The following ARRDC2 variants were observed in gnomAD, a reference collection of about 807,000 sequenced individuals.
The protein encoded by ARRDC2 is arrestin domain-containing protein 2.
Under a neutral mutation model 38.9 loss-of-function variants are expected in ARRDC2, and 39 were observed. That is an observed-to-expected ratio of 1.00 (90% CI 0.78 to 1.31). ARRDC2 has a LOEUF of 1.31. ARRDC2 is among the 50% of genes most tolerant of loss of function. ARRDC2 has a pLI of 0.00. For synonymous variants in ARRDC2, 300 were observed against 261.9 expected, an observed-to-expected ratio of 1.15 and a Z score of -1.41; for missense variants, 553 against 588.4, an observed-to-expected ratio of 0.94 and a Z score of 0.62.
chr19:18,004,604 G>A (rs1055793271), upstream of ARRDC2, among the ~76,000 whole-genome samples: 2 of 151,620 alleles, frequency 1.3e-5, no homozygotes, highest in Admixed American at 6.6e-5. Context: ...CAGGAGAATC[G>A]CTGGAACCCG....
chr19:18,011,123 G>A lies in ARRDC2; in HGVS notation c.1170+394G>A, dbSNP rs937337490. ...AGCGATTCTCCTGCCTCAGCCTTCC[G>A]AGTAGCTGGGATTACAGGTGTTAGC... On this transcript the variant is annotated intron_variant, in intron 7 of 7. Coordinates refer to ENST00000222250, the MANE Select transcript of ARRDC2 (RefSeq NM_015683.2). Among the ~76,000 whole-genome samples the A allele has an allele frequency of 1.1e-4, 17 of 152,192 alleles. No individual in the cohort carries two copies. The East Asian group carries it at 3.1e-3, about 28-fold the overall frequency.
In ARRDC2 at chr19:18,008,505, GGGCTCGAGCAC is replaced by G; in HGVS notation, c.200_210del (p.Ser67LeufsTer7). ...TGCACTGGACCGAGTCGCGCAGCGCGGGCTCGAGCACGGCTTACACGCAGAGCTACAGTGAA... is the reference window on the plus strand; with the variant it reads ...TGCACTGGACCGAGTCGCGCAGCGCGGGCTTACACGCAGAGCTACAGTGAA... On this transcript the variant is annotated frameshift_variant, in exon 1 of 8. Coordinates refer to ENST00000222250, the MANE Select transcript of ARRDC2 (RefSeq NM_015683.2). LOFTEE classifies it high-confidence loss of function. 6.5e-7 allele frequency: 1 copy of G among 1,531,986 alleles called. No individual in the cohort carries two copies. Among genetic ancestry groups the G allele is most frequent in the Non-Finnish European group, 8.7e-7 (1 of 1,146,216 alleles). 94.9% of individuals were successfully genotyped at this position (1,531,986 alleles called of 1,614,324 possible).
Position 18,010,336 on chromosome 19 carries a change from G to A in ARRDC2, c.990G>A (p.Gly330=). Residue 330 remains glycine, a synonymous_variant, in exon 6 of 8, where the codon GGG becomes GGA. Coordinates refer to ENST00000222250, the MANE Select transcript of ARRDC2 (RefSeq NM_015683.2). ...HASFLLDWRL[G]ALPERPEAPP... ...GCTTCCTGCTGGACTGGAGGCTGGGGGCCTTGCCGGAGCGGCCTGAGGGTA... is the reference window on the plus strand; with the variant it reads ...GCTTCCTGCTGGACTGGAGGCTGGGAGCCTTGCCGGAGCGGCCTGAGGGTA... 1 of 1,611,256 alleles carries A rather than the reference G, an allele frequency of 6.2e-7. No homozygotes were observed. Among genetic ancestry groups the A allele is most frequent in the Non-Finnish European group, 8.5e-7 (1 of 1,179,962 alleles).
At chr19:18,004,606 T>G (rs1199269370), upstream of ARRDC2, among the ~76,000 whole-genome samples, 3 of 151,056 alleles carry the variant, frequency 2.0e-5, no homozygotes, top group Admixed American at 6.6e-5. Context: ...GGAGAATCGC[T>G]GGAACCCGGA....
intron 6 of ARRDC2, 53 bp downstream of exon 6, chr19:18,010,411 G>T (rs1331356823): frequency 1.3e-6 from 2 of 1,581,176 alleles, no homozygotes; most frequent in Non-Finnish European, 1.7e-6. Context: ...ACGGAGAGGT[G>T]GATGCCGGGT....
chr19:18,009,428 T>G, intron 3 of ARRDC2, 164 bp from the exon 4 acceptor site: 2 of 670,668 alleles, frequency 3.0e-6, no homozygotes, highest in Non-Finnish European at 5.1e-6. Context: ...CTTTATAAGA[T>G]GGGTTGTGTT....
upstream of ARRDC2, chr19:18,007,537 A>G (rs2033304096): frequency 1.3e-5 from 2 of 152,468 alleles, no homozygotes; most frequent in Admixed American, 1.3e-4. Flanking sequence ...ACGATGATCC[A>G]TGCACAACCT....
chr19:18,012,979 C>A lies in ARRDC2; in HGVS notation c.*13C>A. 2 of 1,613,500 alleles carry A rather than the reference C, an allele frequency of 1.2e-6. No homozygotes were observed. Among genetic ancestry groups the A allele is most frequent in the Non-Finnish European group, 1.7e-6 (2 of 1,179,808 alleles). Reference sequence around the variant, plus strand: ...CATGACTTGCTGAACGGCACAGGGACCCCTCGAGGAACAAGGTTGCACACC... The same window carrying A: ...CATGACTTGCTGAACGGCACAGGGAACCCTCGAGGAACAAGGTTGCACACC... On this transcript the variant is annotated 3_prime_UTR_variant, in exon 8 of 8. Transcript: ENST00000222250.
rs2100606 is a variant in ARRDC2 at position 18,008,325 on chromosome 19, G to A, written c.15G>A (p.Lys5=). The A allele has an allele frequency of 2.9e-5, 46 of 1,596,720 alleles. No homozygotes were observed. The Middle Eastern group carries it at 2.1e-3, about 74-fold the overall frequency. Residue 5 remains lysine, a synonymous_variant, in exon 1 of 8, where the codon AAG becomes AAA. Transcript: ENST00000222250. MLFD[K]VKAFSVQLDG... Reference sequence around the variant, plus strand: ...CCCCGGACGCGATGCTATTCGACAAGGTGAAAGCGTTCTCGGTGCAGTTGG... The same window carrying A: ...CCCCGGACGCGATGCTATTCGACAAAGTGAAAGCGTTCTCGGTGCAGTTGG...
chr19:18,009,798 T>C lies in ARRDC2; in HGVS notation c.608T>C (p.Val203Ala). Residue 203 changes from valine to alanine, a missense_variant, in exon 5 of 8, where the codon GTC becomes GCC. Around this residue, in one of 3 missense-constraint regions of ARRDC2, gnomAD observed 447 missense variants for 456.6 expected, o/e 0.98. Coordinates refer to ENST00000222250, the MANE Select transcript of ARRDC2 (RefSeq NM_015683.2). ...KGYTPGEVIP[V>A]FAEIDNGSTR... ...CTTGCTGCAGGAGAGGTCATCCCTG[T>C]CTTTGCCGAGATCGACAACGGCTCC... 1 of 1,612,756 alleles carries C rather than the reference T, an allele frequency of 6.2e-7. No homozygotes were observed.
exon 1 of ARRDC2, chr19:18,001,268 G>A: frequency 2.6e-6 from 3 of 1,170,090 alleles, no homozygotes; most frequent in Non-Finnish European, 3.2e-6. Flanking sequence ...CGCCCGGGCC[G>A]TGTGCCTTCT....
rs146102111 is a variant in ARRDC2 at position 18,012,214 on chromosome 19, C to A, written c.1171-699C>A. ...CCTCAGGTGATCTGCCTGCCTTGAC[C>A]TCCCAGAATGCTGGGATTACAGGCG... is the stretch of plus-strand genomic sequence containing the variant. On this transcript the variant is annotated intron_variant, in intron 7 of 7. Coordinates refer to ENST00000222250, the MANE Select transcript of ARRDC2 (RefSeq NM_015683.2). Among the ~76,000 whole-genome samples, 1,065 of 151,706 alleles carry A rather than the reference C, an allele frequency of 7.0e-3. 15 individuals are homozygous for A. Among genetic ancestry groups the A allele is most frequent in the African/African-American group, 0.025 (1,015 of 41,404 alleles).
intron 4 of ARRDC2, 27 bp from the exon 5 acceptor site, chr19:18,009,756 C>T: frequency 6.2e-7 from 1 of 1,612,824 alleles, no homozygotes; most frequent in Non-Finnish European, 8.5e-7. Context: ...GGAGGGGAAA[C>T]TGAGGCCCCA....
Position 18,008,368 on chromosome 19 carries a change from G to C in ARRDC2, c.58G>C (p.Val20Leu), listed in dbSNP as rs1299758045. The change falls in exon 1 of 8, where the codon GTC becomes CTC. Residue 20 changes from valine (V) to leucine (L), a missense_variant. This residue lies in a region of ARRDC2 where 447 missense variants were observed against 456.6 expected (regional missense o/e 0.98). Transcript: ENST00000222250. Reference protein sequence around the residue: ...SVQLDGATAGVEPVFSGGQAV... With the variant: ...SVQLDGATAGLEPVFSGGQAV... ...GCAGTTGGACGGCGCGACCGCGGGC[G>C]TCGAGCCCGTGTTTAGCGGCGGCCA... The C allele has an allele frequency of 6.3e-7, 1 of 1,596,686 alleles. No homozygotes were observed. Among genetic ancestry groups the C allele is most frequent in the Non-Finnish European group, 8.5e-7 (1 of 1,178,904 alleles).
exon 1 of ARRDC2, chr19:18,001,530 G>A (rs1445437435): frequency 1.4e-6 from 2 of 1,389,054 alleles, no homozygotes; most frequent in Non-Finnish European, 1.9e-6. Context: ...GCGACTACGC[G>A]GCCGCGGAGA....
upstream of ARRDC2, among the ~76,000 whole-genome samples, chr19:18,003,415 C>T (rs565770152): frequency 7.8e-4 from 118 of 151,364 alleles, 1 homozygote; most frequent in African/African-American, 2.6e-3. Flanking sequence ...TACAGGTGCC[C>T]GCCACCACAC....
At chr19:18,006,327 C>T (rs1035989483), upstream of ARRDC2, among the ~76,000 whole-genome samples, 1 of 152,186 alleles carries the variant, frequency 6.6e-6, no homozygotes, top group African/African-American at 2.4e-5. Context: ...TGCACTCCAG[C>T]CTGGGCACCA....
rs762916561 is a variant in ARRDC2 at position 18,010,189 on chromosome 19, C to T, written c.850-7C>T. On this transcript the variant is annotated splice_region_variant and splice_polypyrimidine_tract_variant and intron_variant, in intron 5 of 7. Transcript: ENST00000222250. ...TGGGCACCCTCCCTTATGGTTCCTT[C>T]CTCCAGGTCTGTGTGGATATCCCAG... 10 of 1,611,272 alleles carry T rather than the reference C, an allele frequency of 6.2e-6. No individual in the cohort carries two copies. Among genetic ancestry groups the T allele is most frequent in the Admixed American group, 3.3e-5 (2 of 59,796 alleles).
chr19:18,011,410 GGCGT>G (rs2033408961), intron 7 of ARRDC2, among the ~76,000 whole-genome samples: 1 of 152,124 alleles, frequency 6.6e-6, no homozygotes, highest in Non-Finnish European at 1.5e-5. Flanking sequence ...TGGGATTACA[GGCGT>G]CAGCCACTGT....
Sources: allele counts gnomAD v4.1 joint callset (sites outside exome capture counted in the v4.1 genomes callset), GRCh38; gene constraint gnomAD v4.1.1; regional missense constraint gnomAD v4.1.1; transcripts MANE v1.5; gene names NCBI Gene and HGNC (gene_info 2026-07-23, HGNC 2026-07-21).